The following TMEM45B variants were observed in gnomAD, a reference collection of about 807,000 sequenced individuals.
TMEM45B encodes the protein transmembrane protein 45B.
Under a neutral mutation model 27.3 loss-of-function variants are expected in TMEM45B, and 29 were observed. That is an observed-to-expected ratio of 1.06 (90% CI 0.79 to 1.45). The LOEUF (loss-of-function observed/expected upper bound fraction) is 1.45, where lower values mean the gene tolerates loss of function less well. Among genes scored for constraint, TMEM45B ranks in the 40% most tolerant of loss-of-function variants. The pLI, the probability that TMEM45B is intolerant of heterozygous loss-of-function variation, is 0.00. For synonymous variants in TMEM45B, 143 were observed against 134.7 expected (o/e 1.06, Z -0.43); for missense variants, 348 against 343.9 (o/e 1.01, Z -0.09).
Position 129,857,372 on chromosome 11 carries a change from C to T in TMEM45B, c.630C>T (p.Ala210=). 1 of 1,614,166 alleles carries T rather than the reference C, an allele frequency of 6.2e-7. No individual in the cohort carries two copies. Among genetic ancestry groups the T allele is most frequent in the Non-Finnish European group, 8.5e-7 (1 of 1,180,020 alleles). ...GTPEWDQKDD[A]NLMFITMCFC... is the part of the protein sequence containing the mutation. Reference sequence around the variant, plus strand: ...CCGAATGGGACCAGAAGGATGATGCCAACCTCATGTTCATCACCATGTGCT... The same window carrying T: ...CCGAATGGGACCAGAAGGATGATGCTAACCTCATGTTCATCACCATGTGCT... The change falls in exon 5 of 6, where the codon GCC becomes GCT. Residue 210 remains alanine (A), a synonymous_variant. Transcript: ENST00000281441.
At chr11:129,837,585 C>CTTTTTTTTTTTTGTTTTTTTTTTTTT (rs1947637477) in intron 1 of TMEM45B, among the ~76,000 whole-genome samples, 1 of 80,294 alleles carries the variant, frequency 1.2e-5, no homozygotes, top group African/African-American at 4.3e-5. Flanking sequence ...CTGCACTGGG[C>CTTTTTTTTTTTTGTTTTTTTTTTTTT]TTTTTTTTTT....
chr11:129,854,884 C>T lies in TMEM45B; in HGVS notation c.385+68C>T, dbSNP rs57703931. 1,463 of 1,551,666 alleles carry T rather than the reference C, an allele frequency of 9.4e-4. 13 individuals are homozygous for T. In the African/African-American group the frequency reaches 0.018, roughly 19 times the overall value. ...GTCATATTTATGAAGGATCAGAGTA[C>T]AAAATATCAGAAATGTTGCAAATAT... is the stretch of plus-strand genomic sequence containing the variant. On this transcript the variant is annotated intron_variant, in intron 3 of 5. Transcript: ENST00000281441.
chr11:129,855,928 A>T, intron 4 of TMEM45B, 36 bp downstream of exon 4: 1 of 1,609,412 alleles, frequency 6.2e-7, no homozygotes, highest in Non-Finnish European at 8.5e-7. Context: ...GCTGGTCTGG[A>T]TGGAGAAGCC....
chr11:129,852,530 C>T lies in TMEM45B; in HGVS notation c.48C>T (p.Ile16=), dbSNP rs1409220720. ...GHALPGSFFL[I]IGLCWSVKYP... ...CGCTTCCAGGGAGTTTCTTCCTGAT[C>T]ATTGGGCTGTGTTGGTCAGTGAAGT... The change falls in exon 2 of 6, where the codon ATC becomes ATT. Residue 16 remains isoleucine (I), a synonymous_variant. Coordinates refer to ENST00000281441, the MANE Select transcript of TMEM45B (RefSeq NM_138788.5). The T allele has an allele frequency of 6.2e-7, 1 of 1,612,268 alleles. No individual in the cohort carries two copies. The highest frequency in any genetic ancestry group is 8.5e-7 in the Non-Finnish European group (1 of 1,178,478).
At chr11:129,838,630 C>G (rs1461301373) in intron 1 of TMEM45B, among the ~76,000 whole-genome samples, 3 of 152,062 alleles carry the variant, frequency 2.0e-5, no homozygotes, top group Non-Finnish European at 4.4e-5. Flanking sequence ...TTTATTCAGT[C>G]AAACACGTGG....
intron 1 of TMEM45B, among the ~76,000 whole-genome samples, chr11:129,824,422 A>G (rs532715488): frequency 6.6e-6 from 1 of 152,314 alleles, no homozygotes; most frequent in South Asian, 2.1e-4. Flanking sequence ...ATACTCCAGG[A>G]TTATGTTCGT....
At chr11:129,851,811 T>C (rs1208633803) in intron 1 of TMEM45B, among the ~76,000 whole-genome samples, 2 of 152,220 alleles carry the variant, frequency 1.3e-5, no homozygotes, top group African/African-American at 4.8e-5. Flanking sequence ...TACATCGTTA[T>C]GCTGATTTTT....
chr11:129,838,051 G>T (rs1947646216), intron 1 of TMEM45B, among the ~76,000 whole-genome samples: 1 of 152,022 alleles, frequency 6.6e-6, no homozygotes, highest in Non-Finnish European at 1.5e-5. Flanking sequence ...CAAAGTGCTG[G>T]GATTACAGGC....
Position 129,858,870 on chromosome 11 carries a change from T to C in TMEM45B, c.*185T>C, listed in dbSNP as rs760008904. 2.2e-6 allele frequency: 1 copy of C among 448,344 alleles called. No homozygotes were observed. The highest frequency in any genetic ancestry group is 2.0e-5 in the African/African-American group (1 of 49,924). 27.8% of individuals were successfully genotyped at this position (448,344 alleles called of 1,614,324 possible). On this transcript the variant is annotated 3_prime_UTR_variant, in exon 6 of 6. Transcript: ENST00000281441. The stretch of plus-strand genomic sequence containing the variant: ...CTACAGCATCCTGTGTATCTTGCAG[T>C]TGGGATTTTTAAACATACTATAAAG...
rs764131676 is a variant in TMEM45B, at chr11:129,858,619, A to G, written c.762A>G (p.Gly254=). The change falls in exon 6 of 6, where the codon GGA becomes GGG. Residue 254 remains glycine (G), a synonymous_variant. Coordinates refer to ENST00000281441, the MANE Select transcript of TMEM45B (RefSeq NM_138788.5). The part of the protein sequence containing the change: ...MKRHGRGEII[G]IQKLNSDDTY... ...GACACGGAAGGGGAGAAATCATTGG[A>G]ATTCAGAAGCTGAATTCAGATGACA... 3.1e-6 allele frequency: 5 copies of G among 1,587,850 alleles called. No individual in the cohort carries two copies. The East Asian group carries it at 9.0e-5, about 29-fold the overall frequency.
intron 1 of TMEM45B, among the ~76,000 whole-genome samples, chr11:129,834,011 G>C (rs1947586468): frequency 6.6e-6 from 1 of 152,164 alleles, no homozygotes; most frequent in South Asian, 2.1e-4. Context: ...TACAGATTTG[G>C]GTACCAAGAA....
At position 129,815,972 on chromosome 11, in the gene TMEM45B, C is replaced by T. The variant is rs1262481980; in HGVS notation, c.-9+74C>T. 15 of 1,257,128 alleles carry T rather than the reference C, an allele frequency of 1.2e-5. No homozygotes were observed. The Admixed American group carries it at 5.0e-4, about 42-fold the overall frequency. 77.9% of individuals were successfully genotyped at this position (1,257,128 alleles called of 1,614,324 possible). ...AGGGAGAGGGGGCCCCGCCAAGGAG[C>T]GGGGCTGTGATGGAGAGGAGGTTCC... On this transcript the variant is annotated intron_variant, in intron 1 of 5. Transcript: ENST00000281441.
At chr11:129,844,701 A>G (rs1050300932) in intron 1 of TMEM45B, among the ~76,000 whole-genome samples, 25 of 152,178 alleles carry the variant, frequency 1.6e-4, no homozygotes, top group African/African-American at 6.0e-4. Flanking sequence ...AATAATAGTA[A>G]TAATAATAAA....
intron 1 of TMEM45B, among the ~76,000 whole-genome samples, chr11:129,820,404 C>G (rs1947405124): frequency 6.6e-6 from 1 of 152,102 alleles, no homozygotes; most frequent in Non-Finnish European, 1.5e-5. Context: ...CAGCATCTGC[C>G]ATAGTGTGTT....
At position 129,858,799 on chromosome 11, in the gene TMEM45B, T is replaced by G; in HGVS notation, c.*114T>G. On this transcript the variant is annotated 3_prime_UTR_variant, in exon 6 of 6. Transcript: ENST00000281441. ...TCTTAAGGGTCTATATATTTGCACCTCCTCATTCAACACAGGGCTGGAGGT... is the reference window on the plus strand; with the variant it reads ...TCTTAAGGGTCTATATATTTGCACCGCCTCATTCAACACAGGGCTGGAGGT... The G allele has an allele frequency of 1.4e-6, 1 of 693,768 alleles. No individual in the cohort carries two copies. The highest frequency in any genetic ancestry group is 2.3e-6 in the Non-Finnish European group (1 of 425,656). 43.0% of individuals were successfully genotyped at this position (693,768 alleles called of 1,614,324 possible).
Position 129,823,490 on chromosome 11 carries a change from C to A in TMEM45B, c.-9+7592C>A, listed in dbSNP as rs190904533. ...GCCCAGGCTTGTCACCCCTGCAACT[C>A]CATCTCCCAGAACAGTGCCTTATGC... On this transcript the variant is annotated intron_variant, in intron 1 of 5. Coordinates refer to ENST00000281441, the MANE Select transcript of TMEM45B (RefSeq NM_138788.5). 2.7e-3 allele frequency among the ~76,000 whole-genome samples: 411 copies of A among 152,296 alleles called. 3 individuals carry two copies. The highest frequency in any genetic ancestry group is 9.1e-3 in the African/African-American group (377 of 41,552).
intron 1 of TMEM45B, among the ~76,000 whole-genome samples, chr11:129,834,647 C>T (rs1947596689): frequency 6.6e-6 from 1 of 152,020 alleles, no homozygotes; most frequent in African/African-American, 2.4e-5. Context: ...CCCATCTCTA[C>T]TAAAAATACA....
At chr11:129,822,809 C>A (rs1947434667) in intron 1 of TMEM45B, among the ~76,000 whole-genome samples, 1 of 150,236 alleles carries the variant, frequency 6.7e-6, no homozygotes, top group Non-Finnish European at 1.5e-5. Context: ...TAACCATTTG[C>A]AAAATATGGA....
intron 1 of TMEM45B, among the ~76,000 whole-genome samples, chr11:129,823,947 T>A (rs1947450240): frequency 6.6e-6 from 1 of 152,194 alleles, no homozygotes. Flanking sequence ...TTCTCTTTGA[T>A]CTGTTCTAAT....
Sources: gnomAD v4.1 joint callset for allele counts (sites outside exome capture counted in the v4.1 genomes callset) on GRCh38, gnomAD v4.1.1 for gene constraint, MANE v1.5 for transcripts, NCBI Gene and HGNC (gene_info 2026-07-23, HGNC 2026-07-21) for gene names.